The following KIF13B variants were observed in gnomAD, a reference collection of about 807,000 sequenced individuals.
KIF13B encodes the protein kinesin-like protein KIF13B.
A neutral mutation model predicts 222.0 loss-of-function variants in KIF13B; 127 were observed. The ratio of observed to expected loss-of-function variants is 0.57; its 90% CI spans 0.50 to 0.66. The LOEUF is 0.66. Among genes scored for constraint, KIF13B ranks in the 30% least tolerant of loss-of-function variants. The probability of loss-of-function intolerance (pLI) is 0.00; values close to 1 mark genes in which losing one functional copy is unlikely to be tolerated. For missense variants in KIF13B, 2,173 were observed against 2,379.0 expected (o/e 0.91, Z 1.80); for synonymous variants, 976 against 919.0 (o/e 1.06, Z -1.12).
chr8:29,104,152 C>T (rs146035969), intron 35 of KIF13B, among the ~76,000 whole-genome samples: 351 of 152,162 alleles, frequency 2.3e-3, no homozygotes, highest in African/African-American at 7.5e-3. Flanking sequence ...ACCACTGCCT[C>T]GGCGCTCCCC....
intron 21 of KIF13B, among the ~76,000 whole-genome samples, chr8:29,135,693 G>T (rs1248871294): frequency 1.3e-5 from 2 of 152,142 alleles, no homozygotes; most frequent in East Asian, 3.9e-4. Context: ...TCAGGAGTTT[G>T]AGACCAACCT....
At chr8:29,196,331 A>G in intron 2 of KIF13B, 132 bp from the exon 3 acceptor site, 1 of 757,676 alleles carries the variant, frequency 1.3e-6, no homozygotes. Context: ...AGAATATAAA[A>G]TAATACCTTT....
chr8:29,243,742 A>T (rs1014609154), intron 2 of KIF13B, among the ~76,000 whole-genome samples: 2 of 152,184 alleles, frequency 1.3e-5, no homozygotes, highest in African/African-American at 4.8e-5. Flanking sequence ...TCTGTTTCTT[A>T]TCTGGGTGCC....
intron 37 of KIF13B, among the ~76,000 whole-genome samples, chr8:29,079,403 T>A (rs1412878506): frequency 2.0e-5 from 3 of 152,258 alleles, no homozygotes; most frequent in Non-Finnish European, 4.4e-5. Context: ...TCTGCTTTTG[T>A]GGCTCTAAAC....
intron 14 of KIF13B, among the ~76,000 whole-genome samples, chr8:29,154,520 AG>A (rs1811431474): frequency 6.6e-6 from 1 of 152,200 alleles, no homozygotes; most frequent in African/African-American, 2.4e-5. Context: ...GGGTACTGTC[AG>A]AAAGTGGGAG....
At chr8:29,142,559 G>T (rs2129945429) in intron 18 of KIF13B, among the ~76,000 whole-genome samples, 1 of 152,268 alleles carries the variant, frequency 6.6e-6, no homozygotes, top group East Asian at 1.9e-4. Context: ...GGGGGGAGTT[G>T]CTGGGCATGG....
chr8:29,096,486 G>A (rs1485874397), intron 36 of KIF13B, among the ~76,000 whole-genome samples: 1 of 150,928 alleles, frequency 6.6e-6, no homozygotes, highest in African/African-American at 2.4e-5. Context: ...TTTTTGTGGA[G>A]ATGGGGTTTT....
intron 3 of KIF13B, among the ~76,000 whole-genome samples, chr8:29,194,970 G>A (rs1309093619): frequency 6.6e-6 from 1 of 152,110 alleles, no homozygotes; most frequent in Non-Finnish European, 1.5e-5. Flanking sequence ...AAAAAAAGCT[G>A]GGCACGGTCG....
intron 37 of KIF13B, among the ~76,000 whole-genome samples, chr8:29,089,166 G>A (rs929887774): frequency 2.0e-5 from 3 of 152,322 alleles, no homozygotes; most frequent in Middle Eastern, 3.4e-3. Flanking sequence ...TCTGGGCATG[G>A]TGGCTCACGC....
intron 3 of KIF13B, among the ~76,000 whole-genome samples, chr8:29,192,059 C>T (rs760854280): frequency 5.9e-5 from 9 of 152,160 alleles, no homozygotes; most frequent in Non-Finnish European, 1.3e-4. Context: ...TTTTTCCTCT[C>T]CTGATGGCCA....
chr8:29,234,578 T>C (rs1815424506), intron 2 of KIF13B, among the ~76,000 whole-genome samples: 1 of 147,798 alleles, frequency 6.8e-6, no homozygotes, highest in Non-Finnish European at 1.5e-5. Flanking sequence ...TGAAGATGAA[T>C]AGTGCTATGG....
Position 29,142,288 on chromosome 8 carries a change from TAAGAA to T in KIF13B, c.2198_2202del (p.Leu733GlnfsTer2). 6.2e-7 allele frequency: 1 copy of T among 1,613,104 alleles called. No individual in the cohort carries two copies. Among genetic ancestry groups the T allele is most frequent in the Non-Finnish European group, 8.5e-7 (1 of 1,179,450 alleles). ...CTTCTCACCTGGATTGCAGGCTCAC[TAAGAA>T]GAGAGCCTCGCTGCAAAGAGAGTAA... On this transcript the variant is annotated frameshift_variant, in exon 19 of 40. Transcript: ENST00000524189. LOFTEE classifies it high-confidence loss of function.
intron 12 of KIF13B, among the ~76,000 whole-genome samples, chr8:29,163,749 A>T (rs1586865598): frequency 6.6e-6 from 1 of 152,220 alleles, no homozygotes; most frequent in East Asian, 1.9e-4. Flanking sequence ...CAGTGCCCCC[A>T]GAAGGGACCC....
At chr8:29,174,354 C>A (rs1042287497) in intron 10 of KIF13B, among the ~76,000 whole-genome samples, 3 of 151,842 alleles carry the variant, frequency 2.0e-5, no homozygotes, top group Non-Finnish European at 4.4e-5. Context: ...TTTCTAATTA[C>A]AGAAAAAAAA....
At chr8:29,252,536 T>G (rs1005417379) in intron 1 of KIF13B, among the ~76,000 whole-genome samples, 5 of 152,248 alleles carry the variant, frequency 3.3e-5, no homozygotes, top group Admixed American at 3.3e-4. Flanking sequence ...AACTATAATT[T>G]ACTCTTAAAT....
intron 31 of KIF13B, 123 bp downstream of exon 31, chr8:29,116,708 T>C: frequency 2.4e-6 from 2 of 840,466 alleles, no homozygotes; most frequent in Non-Finnish European, 3.7e-6. Flanking sequence ...AGCAGTCACC[T>C]GGAAAAGAAA....
intron 3 of KIF13B, among the ~76,000 whole-genome samples, chr8:29,191,792 A>G (rs1438578959): frequency 1.3e-5 from 2 of 152,234 alleles, no homozygotes; most frequent in Non-Finnish European, 2.9e-5. Context: ...CAACTAAGCA[A>G]AGGCAAATTT....
chr8:29,214,143 T>C (rs894119320), intron 2 of KIF13B, among the ~76,000 whole-genome samples: 5 of 152,216 alleles, frequency 3.3e-5, no homozygotes, highest in Admixed American at 1.3e-4. Context: ...CATACACTAC[T>C]GTAGACTTCA....
In KIF13B at chr8:29,260,653, G is replaced by A. The variant is rs189815175; in HGVS notation, c.55+2327C>T. 2.1e-3 allele frequency among the ~76,000 whole-genome samples: 286 copies of A among 136,020 alleles called. 1 individual carries two copies. The highest frequency in any genetic ancestry group is 6.1e-3 in the African/African-American group (243 of 39,820). 89.2% of individuals were successfully genotyped at this position (136,020 alleles called of 152,430 possible). On this transcript the variant is annotated intron_variant, in intron 1 of 39. Coordinates refer to ENST00000524189, the MANE Select transcript of KIF13B (RefSeq NM_015254.4). ...TTTTTTGAGACAGAGTTTCACTCTT[G>A]TCGCCCAGGGTGGAGCACAGTGGCA...
Sources: allele counts gnomAD v4.1 joint callset (sites outside exome capture counted in the v4.1 genomes callset), GRCh38; gene constraint gnomAD v4.1.1; transcripts MANE v1.5; gene names NCBI Gene and HGNC (gene_info 2026-07-23, HGNC 2026-07-21).